Variants in TLE6 observed in about 807,000 individuals in gnomAD.
TLE6 encodes transducin-like enhancer protein 6.
TLE6 carries 72 observed loss-of-function variants against 77.1 expected under a neutral mutation model. That is an observed-to-expected ratio of 0.93 (90% CI 0.77 to 1.14). The LOEUF is 1.14. Among genes scored for constraint, TLE6 ranks in the 50% most tolerant of loss-of-function variants. The probability of loss-of-function intolerance (pLI) is 0.00; values close to 1 mark genes in which losing one functional copy is unlikely to be tolerated. For missense variants in TLE6, 843 were observed against 747.6 expected, an observed-to-expected ratio of 1.13 and a Z score of -1.49; for synonymous variants, 366 against 287.3, an observed-to-expected ratio of 1.27 and a Z score of -2.77.
intron 13 of TLE6, among the ~76,000 whole-genome samples, chr19:2,990,041 C>T (rs1220082766): frequency 2.6e-5 from 4 of 152,132 alleles, no homozygotes; most frequent in Admixed American, 2.0e-4. Flanking sequence ...GTTTCCCCAC[C>T]TGGACACAGG....
Position 2,981,571 on chromosome 19 carries a change from C to A in TLE6, c.168C>A (p.Ser56Arg). 6.4e-7 allele frequency: 1 copy of A among 1,551,546 alleles called. No homozygotes were observed. Among genetic ancestry groups the A allele is most frequent in the Non-Finnish European group, 8.7e-7 (1 of 1,146,952 alleles). ...FSPHFAAELE[S>R]IYYSLHKIQQ... ...CTCATTTTGCTGCGGAGTTGGAGAG[C>A]ATTTACTACTCGGTGAGCCAGACCC... The change falls in exon 4 of 17, where the codon AGC becomes AGA. Residue 56 changes from serine (S) to arginine (R), a missense_variant. By Grantham distance (110) the Ser-to-Arg change is moderately radical. Transcript: ENST00000246112.
intron 15 of TLE6, 51 bp downstream of exon 15, chr19:2,993,633 C>A (rs760274933): frequency 4.6e-6 from 7 of 1,516,320 alleles, no homozygotes; most frequent in African/African-American, 4.2e-5. Context: ...CCCAGCCTCC[C>A]ACAAGACCCC....
intron 5 of TLE6, among the ~76,000 whole-genome samples, chr19:2,986,276 C>T (rs2088908312): frequency 1.3e-5 from 2 of 150,990 alleles, no homozygotes; most frequent in Admixed American, 6.6e-5. Context: ...ATTAGCTGAG[C>T]GTGGTGGTGC....
At chr19:2,978,766 A>G (rs931849270) in intron 2 of TLE6, among the ~76,000 whole-genome samples, 1 of 152,104 alleles carries the variant, frequency 6.6e-6, no homozygotes, top group Non-Finnish European at 1.5e-5. Flanking sequence ...AAAAAAATGT[A>G]GCATCTAATC....
intron 12 of TLE6, 65 bp from the exon 13 acceptor site, chr19:2,989,470 A>G: frequency 6.3e-7 from 1 of 1,576,770 alleles, no homozygotes; most frequent in Non-Finnish European, 8.6e-7. Context: ...CGCTCTCATG[A>G]GGCAAAGCAG....
At chr19:2,985,068 T>G (rs1234981061) in intron 5 of TLE6, among the ~76,000 whole-genome samples, 2 of 151,742 alleles carry the variant, frequency 1.3e-5, no homozygotes, top group Non-Finnish European at 2.9e-5. Flanking sequence ...CTGGCCAACA[T>G]GGAGAAACCC....
chr19:2,979,721 A>T (rs536266275), intron 2 of TLE6, among the ~76,000 whole-genome samples: 1 of 148,466 alleles, frequency 6.7e-6, no homozygotes, highest in East Asian at 2.1e-4. Context: ...CGGGTAGATC[A>T]TGAGGTCAGG....
intron 4 of TLE6, among the ~76,000 whole-genome samples, 151 bp downstream of exon 4, chr19:2,981,734 G>T (rs1454798182): frequency 6.6e-6 from 1 of 152,136 alleles, no homozygotes; most frequent in Non-Finnish European, 1.5e-5. Context: ...ACTATGGGAG[G>T]GCGAGGCAGG....
intron 5 of TLE6, among the ~76,000 whole-genome samples, chr19:2,983,215 G>A (rs1367412016): frequency 6.6e-6 from 1 of 152,210 alleles, no homozygotes; most frequent in Non-Finnish European, 1.5e-5. Context: ...TCATTCAGCA[G>A]ATATTTATCC....
rs572728329 is a variant in TLE6 at position 2,993,689 on chromosome 19, C to A, written c.1537+107C>A. The A allele has an allele frequency of 4.5e-5, 63 of 1,400,408 alleles. 1 individual carries two copies. In the East Asian group the frequency reaches 1.5e-3, roughly 33 times the overall value. The allele number at this position is 1,400,408 out of a possible 1,614,324, so 86.7% of individuals were successfully genotyped here. A position where few individuals can be genotyped will look rare whatever the true frequency, so the allele number is the denominator to read the frequency against. On this transcript the variant is annotated intron_variant, in intron 15 of 16. Coordinates refer to ENST00000246112, the MANE Select transcript of TLE6 (RefSeq NM_001143986.2). Reference sequence around the variant, plus strand: ...CCAACCCTCTAGGACACCTCAGAACCCTTCTGTAGCAGAAACCAATTTTGG... The same window carrying A: ...CCAACCCTCTAGGACACCTCAGAACACTTCTGTAGCAGAAACCAATTTTGG...
rs544431920 is a variant in TLE6, at chr19:2,987,054, C to G, written c.357C>G (p.Ser119Arg). 6.2e-7 allele frequency: 1 copy of G among 1,614,112 alleles called. No homozygotes were observed. The highest frequency in any genetic ancestry group is 1.1e-5 in the South Asian group (1 of 91,086). ...AGGACAAGACCCTGCAGGAGTCGAG[C>G]TTTGAGGACATCATGGCCACCAGGT... is the stretch of plus-strand genomic sequence containing the variant. ...QVKDKTLQESSFEDIMATRSS... is the reference protein window; with the variant it reads ...QVKDKTLQESRFEDIMATRSS... Residue 119 changes from serine (S) to arginine (R), a missense_variant, in exon 7 of 17, where the codon AGC (serine) becomes AGG (arginine). Transcript: ENST00000246112.
Position 2,978,192 on chromosome 19 carries a change from T to A in TLE6, c.-36-6T>A. On this transcript the variant is annotated splice_polypyrimidine_tract_variant and splice_region_variant and intron_variant, in intron 1 of 16. Transcript: ENST00000246112. ...CTCAAGACCTGCCGTCTCCTTGTTG[T>A]TTTAGACTCTGGCTAAAGTCTTGGA... The A allele has an allele frequency of 6.5e-7, 1 of 1,549,204 alleles. No homozygotes were observed. Among genetic ancestry groups the A allele is most frequent in the African/African-American group, 1.4e-5 (1 of 73,108 alleles).
At position 2,994,071 on chromosome 19, in the gene TLE6, G is replaced by A; in HGVS notation, c.1590G>A (p.Met530Ile). ...ACGACTTCCTTGGCGTCTACAGCAT[G>A]CCGGCGGGGACAAAAGTGTTCGAGG... Reference protein sequence around the residue: ...GMDDFLGVYSMPAGTKVFEVP... With the variant: ...GMDDFLGVYSIPAGTKVFEVP... Residue 530 changes from methionine (M) to isoleucine (I), a missense_variant, in exon 16 of 17, where the codon ATG becomes ATA. By Grantham distance (10) the Met-to-Ile change is conservative (BLOSUM62 1). Transcript: ENST00000246112. 3 of 1,606,974 alleles carry A rather than the reference G, an allele frequency of 1.9e-6. No homozygotes were observed. Among genetic ancestry groups the A allele is most frequent in the Non-Finnish European group, 1.7e-6 (2 of 1,177,496 alleles).
At chr19:2,981,445 T>C (rs1322199191) in intron 3 of TLE6, 93 bp from the exon 4 acceptor site, 5 of 1,406,490 alleles carry the variant, frequency 3.6e-6, no homozygotes, top group South Asian at 2.5e-5. Context: ...TCCAGCTTCA[T>C]TGAGACCCTC....
intron 2 of TLE6, among the ~76,000 whole-genome samples, chr19:2,979,207 C>T (rs1240159375): frequency 6.6e-6 from 1 of 152,056 alleles, no homozygotes; most frequent in East Asian, 1.9e-4. Flanking sequence ...CTGCCTCAGC[C>T]TCCCAAAGTG....
rs768744711 is a variant in TLE6, at chr19:2,993,613, C to T, written c.1537+31C>T. The T allele has an allele frequency of 4.6e-6, 7 of 1,529,376 alleles. No individual in the cohort carries two copies. In the Admixed American group the frequency reaches 6.1e-5, roughly 13 times the overall value. The allele number at this position is 1,529,376 out of a possible 1,614,324, so 94.7% of individuals were successfully genotyped here. Reference sequence around the variant, plus strand: ...CGGCTGGCGGAAGATGAGGGGACTCCCCTGCAGCCCCCAGCCTCCCACAAG... The same window carrying T: ...CGGCTGGCGGAAGATGAGGGGACTCTCCTGCAGCCCCCAGCCTCCCACAAG... On this transcript the variant is annotated intron_variant, in intron 15 of 16. Coordinates refer to ENST00000246112, the MANE Select transcript of TLE6 (RefSeq NM_001143986.2).
chr19:2,988,170 A>C (rs1284080144), intron 11 of TLE6, 42 bp downstream of exon 11: 1 of 1,544,446 alleles, frequency 6.5e-7, no homozygotes, highest in Non-Finnish European at 8.8e-7. Context: ...GGTGAGGGGC[A>C]GCGGGAATTC....
At chr19:2,989,481 T>C (rs954474012) in intron 12 of TLE6, 54 bp from the exon 13 acceptor site, 4 of 1,584,294 alleles carry the variant, frequency 2.5e-6, no homozygotes, top group Middle Eastern at 2.3e-4. Flanking sequence ...GGCAAAGCAG[T>C]CCAGGCAGAA....
intron 8 of TLE6, 135 bp from the exon 9 acceptor site, chr19:2,987,589 C>A (rs1010292376): frequency 3.5e-6 from 4 of 1,152,430 alleles, no homozygotes; most frequent in South Asian, 2.6e-5. Flanking sequence ...CTGACTCTCT[C>A]TCTGCAACTC....
Sources: allele counts gnomAD v4.1 joint callset (sites outside exome capture counted in the v4.1 genomes callset), GRCh38; gene constraint gnomAD v4.1.1; transcripts MANE v1.5; gene names NCBI Gene and HGNC (gene_info 2026-07-23, HGNC 2026-07-21).